PAPPA: variants seen among roughly 807,000 people sequenced by gnomAD.
The protein encoded by PAPPA is pappalysin-1.
Under a neutral mutation model 164.0 loss-of-function variants are expected in PAPPA, and 60 were observed. The ratio of observed to expected loss-of-function variants is 0.37; its 90% confidence interval spans 0.30 to 0.45. The LOEUF (loss-of-function observed/expected upper bound fraction) is 0.45, where lower values mean the gene tolerates loss of function less well. PAPPA is among the 20% of genes least tolerant of loss of function. The pLI, the probability that PAPPA is intolerant of heterozygous loss-of-function variation, is 1.00. For synonymous variants in PAPPA, 875 were observed against 814.1 expected, an observed-to-expected ratio of 1.07 and a Z score of -1.27; for missense variants, 1,782 against 2,087.3, an observed-to-expected ratio of 0.85 and a Z score of 2.85.
chr9:116,384,524 A>T (rs1486352734), intron 21 of PAPPA, among the ~76,000 whole-genome samples: 3 of 152,158 alleles, frequency 2.0e-5, no homozygotes, highest in South Asian at 2.1e-4. Flanking sequence ...GTTGTTTATT[A>T]TATGGCTGTG....
At chr9:116,330,593 T>TTG (rs139019834) in intron 10 of PAPPA, among the ~76,000 whole-genome samples, 1,753 of 150,372 alleles carry the variant, frequency 0.012, 28 homozygotes, top group African/African-American at 0.035. Context: ...GAGAATGAAT[T>TTG]TGTGTGTGTG....
At chr9:116,384,791 G>GAGTC (rs141171053) in intron 21 of PAPPA, among the ~76,000 whole-genome samples, 6,344 of 152,120 alleles carry the variant, frequency 0.042, 189 homozygotes, top group Admixed American at 0.082. Flanking sequence ...TCTTCCATTG[G>GAGTC]AGTCAGCCAC....
chr9:116,375,301 C>T (rs972461040), intron 19 of PAPPA, among the ~76,000 whole-genome samples: 1 of 152,210 alleles, frequency 6.6e-6, no homozygotes, highest in Non-Finnish European at 1.5e-5. Flanking sequence ...AGATGCAAGA[C>T]AGTAGATTTC....
chr9:116,187,581 A>ACCTCAG lies in PAPPA; in HGVS notation c.845_850dup (p.Pro282_Gln283dup). On this transcript the variant is annotated inframe_insertion, in exon 2 of 22. Coordinates refer to ENST00000328252, the MANE Select transcript of PAPPA (RefSeq NM_002581.5). This position sits in a 1 kb window ranked among gnomAD's most constrained non-coding sequence, Gnocchi z 4.2. ...AAACCCATGGCGCCCACACTGCTCT[A>ACCTCAG]CCTCAGCTCCTCCTCCAGGAGAACT... The ACCTCAG allele has an allele frequency of 1.9e-6, 3 of 1,614,128 alleles. No individual in the cohort carries two copies. Among genetic ancestry groups the ACCTCAG allele is most frequent in the Non-Finnish European group, 2.5e-6 (3 of 1,180,018 alleles).
intron 10 of PAPPA, among the ~76,000 whole-genome samples, chr9:116,311,056 C>CTTT (rs56043415): frequency 8.3e-6 from 1 of 120,448 alleles, no homozygotes; most frequent in Non-Finnish European, 1.8e-5. Flanking sequence ...AACATGTGGA[C>CTTT]TTTTTTTTTT....
At chr9:116,330,914 C>T (rs1483119502) in intron 10 of PAPPA, among the ~76,000 whole-genome samples, 1 of 152,168 alleles carries the variant, frequency 6.6e-6, no homozygotes, top group Non-Finnish European at 1.5e-5. Context: ...TGCTTCTGTT[C>T]CCTCTGCCTG....
intron 1 of PAPPA, among the ~76,000 whole-genome samples, chr9:116,169,310 CTTTTTTTTTTTTTTT>C (rs563871496): frequency 1.9e-5 from 1 of 52,154 alleles, no homozygotes; most frequent in South Asian, 8.2e-4. Flanking sequence ...CAAACCCATT[CTTTTTTTTTTTTTTT>C]TTTTTTTTTT....
At chr9:116,156,615 G>C (rs1387648549) in intron 1 of PAPPA, among the ~76,000 whole-genome samples, 1 of 152,114 alleles carries the variant, frequency 6.6e-6, no homozygotes, top group Non-Finnish European at 1.5e-5. Flanking sequence ...CTGCTGTCGT[G>C]TAGCACCAGA....
chr9:116,283,398 C>A (rs1845290729), intron 9 of PAPPA, among the ~76,000 whole-genome samples: 1 of 152,102 alleles, frequency 6.6e-6, no homozygotes, highest in South Asian at 2.1e-4. Context: ...CTATAAAGAT[C>A]CAGACAGAGG....
At chr9:116,215,955 T>C (rs549326949) in intron 4 of PAPPA, among the ~76,000 whole-genome samples, 2 of 152,232 alleles carry the variant, frequency 1.3e-5, no homozygotes, top group East Asian at 3.9e-4. Context: ...CAAACACATA[T>C]ATATATACAT....
intron 1 of PAPPA, among the ~76,000 whole-genome samples, chr9:116,161,335 G>T (rs1226878360): frequency 6.6e-6 from 1 of 152,166 alleles, no homozygotes; most frequent in East Asian, 1.9e-4. Context: ...GTGTTCTCAG[G>T]ATGCAAAAGG....
chr9:116,353,858 C>A, intron 17 of PAPPA, 65 bp downstream of exon 17: 2 of 1,275,030 alleles, frequency 1.6e-6, no homozygotes, highest in Non-Finnish European at 2.2e-6. Flanking sequence ...CAAAAACTAG[C>A]CTGTACTTCA....
At chr9:116,314,808 C>T (rs1382389190) in intron 10 of PAPPA, among the ~76,000 whole-genome samples, 1 of 152,198 alleles carries the variant, frequency 6.6e-6, no homozygotes, top group Non-Finnish European at 1.5e-5. Context: ...TTCCATATCC[C>T]TCCCCTGACA....
In PAPPA at chr9:116,254,749, T is replaced by C. The variant is rs776936394; in HGVS notation, c.2733-11108T>C. 2.4e-3 allele frequency among the ~76,000 whole-genome samples: 302 copies of C among 127,628 alleles called. 2 individuals carry two copies. Among genetic ancestry groups the C allele is most frequent in the Middle Eastern group, 0.018 (3 of 168 alleles). The allele number at this position is 127,628 out of a possible 152,430, so 83.7% of individuals were successfully genotyped here. A position where few individuals can be genotyped will look rare whatever the true frequency, so the allele number is the denominator to read the frequency against. On this transcript the variant is annotated intron_variant, in intron 7 of 21. Coordinates refer to ENST00000328252, the MANE Select transcript of PAPPA (RefSeq NM_002581.5). ...GTGAGCCAAGACTGCACCACTGCAC[T>C]CCAGCCTGGGTGACAGAGCAAGACT...
intron 7 of PAPPA, among the ~76,000 whole-genome samples, chr9:116,256,975 A>G (rs894181584): frequency 2.6e-5 from 4 of 151,932 alleles, no homozygotes; most frequent in African/African-American, 9.7e-5. Flanking sequence ...ATTTAAACAA[A>G]TATCAAAGTA....
At chr9:116,374,602 C>T (rs530148343) in intron 19 of PAPPA, among the ~76,000 whole-genome samples, 6 of 152,322 alleles carry the variant, frequency 3.9e-5, no homozygotes, top group Non-Finnish European at 7.3e-5. Context: ...TCCAAACTCA[C>T]GTCAGGTAAA....
At position 116,187,190 on chromosome 9, in the gene PAPPA, G is replaced by A. The variant is rs549705388; in HGVS notation, c.452G>A (p.Arg151Gln). 4.8e-5 allele frequency: 78 copies of A among 1,614,012 alleles called. No individual in the cohort carries two copies. Among genetic ancestry groups the A allele is most frequent in the Non-Finnish European group, 6.3e-5 (74 of 1,179,962 alleles). ...AAATGTTCTTATATCTCACGTGACC[G>A]AGGATGGGTCGTGGGCATTCACACC... ...YDKCSYISRD[R>Q]GWVVGIHTIS... Residue 151 changes from arginine (R) to glutamine (Q), a missense_variant, in exon 2 of 22, where the codon CGA (arginine) becomes CAA (glutamine). Transcript: ENST00000328252. This position sits in a 1 kb window ranked among gnomAD's most constrained non-coding sequence, Gnocchi z 4.2.
intron 10 of PAPPA, among the ~76,000 whole-genome samples, chr9:116,329,529 G>A (rs1020700651): frequency 2.6e-5 from 4 of 151,634 alleles, no homozygotes; most frequent in Admixed American, 1.3e-4. Context: ...CCTGACTCCC[G>A]GTGTCATTTC....
intron 4 of PAPPA, among the ~76,000 whole-genome samples, chr9:116,213,696 A>G (rs572264772): frequency 1.8e-4 from 27 of 152,282 alleles, no homozygotes; most frequent in Non-Finnish European, 2.9e-4. Flanking sequence ...TACAGATCTA[A>G]AGGGTGATTG....
Sources: gnomAD v4.1 joint callset for allele counts (sites outside exome capture counted in the v4.1 genomes callset) on GRCh38, gnomAD v4.1.1 for gene constraint, Gnocchi (gnomAD v3.1) non-coding constraint, MANE v1.5 for transcripts, NCBI Gene and HGNC (gene_info 2026-07-23, HGNC 2026-07-21) for gene names.